Variants in NWD1 observed in about 807,000 individuals in gnomAD.
NWD1 encodes NACHT domain- and WD repeat-containing protein 1.
Under a neutral mutation model 135.1 loss-of-function variants are expected in NWD1, and 129 were observed. The ratio of observed to expected loss-of-function variants is 0.96; its 90% CI spans 0.83 to 1.11. The LOEUF (loss-of-function observed/expected upper bound fraction) is 1.11, where lower values mean the gene tolerates loss of function less well. Ranked by LOEUF, NWD1 falls within the 50% of genes least tolerant of loss-of-function variation. NWD1 has a pLI of 0.00. For missense variants in NWD1, 1,740 were observed against 1,851.3 expected, an observed-to-expected ratio of 0.94 and a Z score of 1.10; for synonymous variants, 773 against 786.0, an observed-to-expected ratio of 0.98 and a Z score of 0.28.
chr19:16,732,654 CA>C (rs759471981), intron 3 of NWD1, among the ~76,000 whole-genome samples: 42 of 30,320 alleles, frequency 1.4e-3, no homozygotes, highest in Admixed American at 1.9e-3. Flanking sequence ...GACTTCATCT[CA>C]AAAAAAAAAA....
chr19:16,738,267 A>C (rs1967920256), intron 4 of NWD1: 1 of 449,752 alleles, frequency 2.2e-6, no homozygotes, highest in South Asian at 1.6e-5. Flanking sequence ...AAAGAGGGAA[A>C]AAGTAAAGAA....
In NWD1 at chr19:16,803,004, T is replaced by C. The variant is rs569857319; in HGVS notation, c.3736+2842T>C. Among the ~76,000 whole-genome samples the C allele has an allele frequency of 9.6e-5, 14 of 146,488 alleles. No individual in the cohort carries two copies. The South Asian group carries it at 3.0e-3, about 31-fold the overall frequency. ...CTGGGTAATTTGTAAAGGAAAGAGG[T>C]TTAATGGACTCACATTTGCACATGG... On this transcript the variant is annotated intron_variant, in intron 17 of 18. Coordinates refer to ENST00000524140, the MANE Select transcript of NWD1 (RefSeq NM_001007525.5).
At chr19:16,733,280 G>A (rs10451508) in intron 3 of NWD1, among the ~76,000 whole-genome samples, 42,408 of 151,612 alleles carry the variant, frequency 0.28, 6,467 homozygotes, top group African/African-American at 0.38. Flanking sequence ...CAGCACTTTG[G>A]GAGGCCAAGG....
At chr19:16,759,150 C>T in intron 6 of NWD1, 75 bp from the exon 7 acceptor site, 1 of 1,281,166 alleles carries the variant, frequency 7.8e-7, no homozygotes, top group Non-Finnish European at 1.1e-6. Context: ...GTATCCCTCC[C>T]TCTCTTGGAT....
rs1372042043 is a variant in NWD1, at chr19:16,816,773, G to A, written c.*1734G>A. The A allele has an allele frequency of 2.0e-5, 3 of 152,170 alleles. No individual in the cohort carries two copies. The highest frequency in any genetic ancestry group is 7.2e-5 in the African/African-American group (3 of 41,436). The allele number at this position is 152,170 out of a possible 1,614,324, so 9.4% of individuals were successfully genotyped here. A position where few individuals can be genotyped will look rare whatever the true frequency, so the allele number is the denominator to read the frequency against. On this transcript the variant is annotated 3_prime_UTR_variant, in exon 19 of 19. Transcript: ENST00000524140. ...AGCAACCTTAGAAACAGAGGCTTTT[G>A]AGCTGAACAAGACCCTACTGCTGTC...
In NWD1 at chr19:16,750,297, C is replaced by G; in HGVS notation, c.1655C>G (p.Pro552Arg). Residue 552 changes from proline (P) to arginine (R), a missense_variant, in exon 6 of 19, where the codon CCT becomes CGT. Coordinates refer to ENST00000524140, the MANE Select transcript of NWD1 (RefSeq NM_001007525.5). ...CGGAAATGGGCCTCTTTCACCGTGCCTGTCCCGCTGGCCACCACCGCAGAG... is the reference window on the plus strand; with the variant it reads ...CGGAAATGGGCCTCTTTCACCGTGCGTGTCCCGCTGGCCACCACCGCAGAG... ...EARKWASFTV[P>R]VPLATTAEEA... 1 of 1,613,668 alleles carries G rather than the reference C, an allele frequency of 6.2e-7. No individual in the cohort carries two copies. Among genetic ancestry groups the G allele is most frequent in the Non-Finnish European group, 8.5e-7 (1 of 1,179,974 alleles).
rs779449587 is a variant in NWD1 at position 16,762,066 on chromosome 19, G to C, written c.2061G>C (p.Gly687=). The C allele has an allele frequency of 1.2e-6, 2 of 1,614,096 alleles. No homozygotes were observed. The highest frequency in any genetic ancestry group is 1.7e-6 in the Non-Finnish European group (2 of 1,180,012). ...GCGTCCTGGCCGACTTCTTCTCAGG[G>C]ACCTGGAGCCAGGGTACCAAGAAGC... is the stretch of plus-strand genomic sequence containing the variant. ...RHGVLADFFS[G]TWSQGTKKLI... The change falls in exon 8 of 19, where the codon GGG becomes GGC. Residue 687 remains glycine, a synonymous_variant. Transcript: ENST00000524140.
intron 18 of NWD1, among the ~76,000 whole-genome samples, chr19:16,809,202 G>A (rs534639673): frequency 6.6e-6 from 1 of 151,830 alleles, no homozygotes; most frequent in Non-Finnish European, 1.5e-5. Context: ...TCCCGCCTCG[G>A]CCTCCCAAGT....
intron 8 of NWD1, among the ~76,000 whole-genome samples, chr19:16,762,889 A>T (rs1253791394): frequency 6.6e-6 from 1 of 151,340 alleles, no homozygotes; most frequent in Non-Finnish European, 1.5e-5. Flanking sequence ...GGTTCAAGCG[A>T]TTCTCCCACT....
In NWD1 at chr19:16,749,595, T is replaced by A. The variant is rs2122803533; in HGVS notation, c.953T>A (p.Leu318His). 1 of 1,612,984 alleles carries A rather than the reference T, an allele frequency of 6.2e-7. No homozygotes were observed. The highest frequency in any genetic ancestry group is 2.2e-5 in the East Asian group (1 of 44,846). ...VIQTFCGRQE[L>H]LARLGQQLRH... ...CAGACCTTCTGCGGACGCCAGGAACTCCTGGCCCGGCTTGGGCAGCAGCTC... is the reference window on the plus strand; with the variant it reads ...CAGACCTTCTGCGGACGCCAGGAACACCTGGCCCGGCTTGGGCAGCAGCTC... The change falls in exon 6 of 19, where the codon CTC becomes CAC. Residue 318 changes from leucine to histidine, a missense_variant. Coordinates refer to ENST00000524140, the MANE Select transcript of NWD1 (RefSeq NM_001007525.5).
At chr19:16,801,067 C>T (rs189158451) in intron 17 of NWD1, among the ~76,000 whole-genome samples, 1,621 of 152,118 alleles carry the variant, frequency 0.011, 12 homozygotes, top group Non-Finnish European at 0.014. Context: ...CACTTGAGGT[C>T]GGGAGTTCGA....
intron 18 of NWD1, among the ~76,000 whole-genome samples, chr19:16,813,728 C>T (rs1350669149): frequency 1.3e-5 from 2 of 152,028 alleles, no homozygotes; most frequent in East Asian, 1.9e-4. Context: ...CCACCCACCT[C>T]GGCCTCCCAA....
chr19:16,744,542 A>C lies in NWD1; in HGVS notation c.320A>C (p.Tyr107Ser). The C allele has an allele frequency of 6.5e-7, 1 of 1,535,980 alleles. No individual in the cohort carries two copies. The highest frequency in any genetic ancestry group is 8.7e-7 in the Non-Finnish European group (1 of 1,146,844). ...AGTGACCTGGAGCTGGTGGCACGAT[A>C]CTTCCAGAGGGACGAGAATGCGTTT... Reference protein sequence around the residue: ...RPSDLELVARYFQRDENAFPP... With the variant: ...RPSDLELVARSFQRDENAFPP... Residue 107 changes from tyrosine to serine, a missense_variant, in exon 5 of 19, where the codon TAC (tyrosine) becomes TCC (serine). Transcript: ENST00000524140.
At chr19:16,768,103 T>A (rs1331739669) in intron 10 of NWD1, among the ~76,000 whole-genome samples, 2 of 150,668 alleles carry the variant, frequency 1.3e-5, no homozygotes, top group Non-Finnish European at 2.9e-5. Context: ...CAAGCAATTG[T>A]CCTGCCTCAG....
chr19:16,756,026 G>A (rs1299558011), intron 6 of NWD1, among the ~76,000 whole-genome samples: 2 of 152,066 alleles, frequency 1.3e-5, no homozygotes, highest in Non-Finnish European at 2.9e-5. Flanking sequence ...TATTTCATAT[G>A]TTCTATGTAT....
At position 16,809,799 on chromosome 19, in the gene NWD1, C is replaced by T. The variant is rs146827871; in HGVS notation, c.4287+1663C>T. On this transcript the variant is annotated intron_variant, in intron 18 of 18. Transcript: ENST00000524140. ...GTCTCAATCTCCTGACCTCGTGATC[C>T]GCCCACCTTGGCCTCACAAAGTGCT... Among the ~76,000 whole-genome samples the T allele has an allele frequency of 4.6e-3, 691 of 151,686 alleles. 4 individuals carry two copies. The highest frequency in any genetic ancestry group is 0.015 in the African/African-American group (614 of 41,344).
chr19:16,746,339 G>T (rs1164032624), intron 5 of NWD1, among the ~76,000 whole-genome samples: 1 of 151,334 alleles, frequency 6.6e-6, no homozygotes, highest in Non-Finnish European at 1.5e-5. Flanking sequence ...CAGTCTGGGT[G>T]ACAGAGTGAG....
At chr19:16,787,462 A>G (rs937724847) in intron 12 of NWD1, among the ~76,000 whole-genome samples, 2 of 152,118 alleles carry the variant, frequency 1.3e-5, no homozygotes, top group African/African-American at 2.4e-5. Flanking sequence ...TTGACTCCCA[A>G]CCAGTTGTGG....
chr19:16,807,900 C>T lies in NWD1; in HGVS notation c.4051C>T (p.Leu1351Phe), dbSNP rs1488833073. The change falls in exon 18 of 19, where the codon CTC becomes TTC. Residue 1351 changes from leucine to phenylalanine, a missense_variant. Transcript: ENST00000524140. ...CTTTTACACTCAGCTGCCCGAGACC[C>T]TCTCCAGCGTGGCCATTCTGACGGA... Reference protein sequence around the residue: ...YTFYTQLPETLSSVAILTDYR... With the variant: ...YTFYTQLPETFSSVAILTDYR... 1 of 1,614,098 alleles carries T rather than the reference C, an allele frequency of 6.2e-7. No individual in the cohort carries two copies. The highest frequency in any genetic ancestry group is 1.1e-5 in the South Asian group (1 of 91,086).
Sources: gnomAD v4.1 joint callset for allele counts (sites outside exome capture counted in the v4.1 genomes callset) on GRCh38, gnomAD v4.1.1 for gene constraint, MANE v1.5 for transcripts, NCBI Gene and HGNC (gene_info 2026-07-23, HGNC 2026-07-21) for gene names.